The following EBF4 variants were observed in gnomAD, a reference collection of about 807,000 sequenced individuals.
The protein encoded by EBF4 is transcription factor COE4.
In EBF4, 34 loss-of-function variants were observed where a neutral mutation model predicts 67.1. The observed-to-expected ratio is 0.51, with a 90% confidence interval of 0.39 to 0.67. EBF4 has a LOEUF of 0.67. EBF4 is among the 30% of genes least tolerant of loss of function. The pLI, the probability that EBF4 is intolerant of heterozygous loss-of-function variation, is 0.00. For synonymous variants in EBF4, 387 were observed against 377.7 expected, an observed-to-expected ratio of 1.02 and a Z score of -0.29; for missense variants, 837 against 873.3, an observed-to-expected ratio of 0.96 and a Z score of 0.52.
chr20:2,737,914 G>A (rs1461114256), intron 6 of EBF4, among the ~76,000 whole-genome samples: 5 of 150,736 alleles, frequency 3.3e-5, no homozygotes, highest in East Asian at 1.9e-4. Context: ...GCAGTGAGCC[G>A]AGATCGCGCC....
chr20:2,728,012 G>T (rs1414291337), intron 6 of EBF4, among the ~76,000 whole-genome samples: 1 of 152,122 alleles, frequency 6.6e-6, no homozygotes, highest in African/African-American at 2.4e-5. Context: ...TCTACAGGTT[G>T]CCTTTTCACC....
intron 1 of EBF4, among the ~76,000 whole-genome samples, chr20:2,697,941 GC>G (rs1412074031): frequency 6.6e-6 from 1 of 152,238 alleles, no homozygotes; most frequent in African/African-American, 2.4e-5. Flanking sequence ...GCCAGCTGGG[GC>G]TGCCTTTCCT....
chr20:2,754,139 G>A (rs1469336867), intron 14 of EBF4, among the ~76,000 whole-genome samples: 1 of 152,194 alleles, frequency 6.6e-6, no homozygotes, highest in Admixed American at 6.5e-5. Flanking sequence ...CACTGGACTT[G>A]AGGGAGGGTT....
At chr20:2,710,188 G>A (rs989296649) in intron 6 of EBF4, among the ~76,000 whole-genome samples, 1 of 151,954 alleles carries the variant, frequency 6.6e-6, no homozygotes, top group South Asian at 2.1e-4. Flanking sequence ...TTGTTTTGTC[G>A]CCCAGGCTAA....
intron 6 of EBF4, among the ~76,000 whole-genome samples, chr20:2,737,250 C>CAAAAAAAA (rs777580766): frequency 1.7e-5 from 2 of 114,884 alleles, no homozygotes; most frequent in Non-Finnish European, 1.9e-5. Context: ...AACTCCGTCT[C>CAAAAAAAA]AAAAAAAAAA....
intron 1 of EBF4, among the ~76,000 whole-genome samples, chr20:2,698,509 C>T (rs1315228178): frequency 2.6e-5 from 4 of 152,088 alleles, no homozygotes; most frequent in East Asian, 1.9e-4. Context: ...TCAGCAGTCC[C>T]GGGGTCCAGA....
Position 2,758,242 on chromosome 20 carries a change from C to T in EBF4, c.1739-667C>T, listed in dbSNP as rs553219259. 2.6e-5 allele frequency among the ~76,000 whole-genome samples: 4 copies of T among 152,348 alleles called. No homozygotes were observed. The South Asian group carries it at 8.3e-4, about 32-fold the overall frequency. On this transcript the variant is annotated intron_variant, in intron 15 of 16. Coordinates refer to ENST00000609451, the Ensembl canonical transcript of EBF4. The stretch of plus-strand genomic sequence containing the variant: ...TCCATCCAACCGAGCAAAGCCTGGG[C>T]CCTAGCCAGTAGCGTGAAGTCAAAA...
At chr20:2,733,406 C>G (rs991691526) in intron 6 of EBF4, among the ~76,000 whole-genome samples, 2 of 152,068 alleles carry the variant, frequency 1.3e-5, no homozygotes, top group Admixed American at 1.3e-4. Context: ...TGTGTTCATA[C>G]TACTTGGAGT....
At chr20:2,733,829 A>G (rs976748785) in intron 6 of EBF4, among the ~76,000 whole-genome samples, 4 of 151,958 alleles carry the variant, frequency 2.6e-5, no homozygotes, top group African/African-American at 9.7e-5. Flanking sequence ...AAAAAAAAAA[A>G]AGCAAAAACA....
intron 1 of EBF4, among the ~76,000 whole-genome samples, chr20:2,699,456 G>A (rs544818750): frequency 2.6e-5 from 4 of 152,226 alleles, no homozygotes; most frequent in African/African-American, 9.6e-5. Flanking sequence ...AGATGGAAAG[G>A]AGGTGAGTGG....
At chr20:2,741,328 C>G (rs935875423) in intron 6 of EBF4, among the ~76,000 whole-genome samples, 3 of 151,960 alleles carry the variant, frequency 2.0e-5, no homozygotes, top group African/African-American at 7.2e-5. Context: ...AAAAGCAGCT[C>G]CATCCCACTC....
rs1264349236 is a variant in EBF4, at chr20:2,755,727, C to T, written c.1641C>T (p.Ile547=). 1.9e-6 allele frequency: 3 copies of T among 1,550,862 alleles called. No individual in the cohort carries two copies. The highest frequency in any genetic ancestry group is 2.6e-6 in the Non-Finnish European group (3 of 1,146,802). Reference sequence around the variant, plus strand: ...TCTCCTTCTCGCCTGTCAACATGATCTCCGCCGTCAAACAGAGGAGCGCCT... The same window carrying T: ...TCTCCTTCTCGCCTGTCAACATGATTTCCGCCGTCAAACAGAGGAGCGCCT... The change falls in exon 15 of 17, where the codon ATC becomes ATT. Residue 547 remains isoleucine (I), a synonymous_variant. Transcript: ENST00000609451. This position sits in a 1 kb window ranked among gnomAD's most constrained non-coding sequence, Gnocchi z 4.7.
At chr20:2,705,173 A>G (rs929139723) in intron 1 of EBF4, among the ~76,000 whole-genome samples, 8 of 152,214 alleles carry the variant, frequency 5.3e-5, no homozygotes, top group African/African-American at 1.7e-4. Context: ...TATTTGTTCT[A>G]GGGCCCCCGG....
At chr20:2,701,116 C>A (rs1450489769) in intron 1 of EBF4, among the ~76,000 whole-genome samples, 2 of 152,218 alleles carry the variant, frequency 1.3e-5, no homozygotes, top group African/African-American at 4.8e-5. Flanking sequence ...TGGCACGGAT[C>A]TTGTCCTGCA....
At chr20:2,754,180 G>A (rs953610349) in intron 14 of EBF4, among the ~76,000 whole-genome samples, 2 of 152,122 alleles carry the variant, frequency 1.3e-5, no homozygotes, top group African/African-American at 4.8e-5. Flanking sequence ...TCTTGACCGA[G>A]GCTTACCCAG....
Position 2,705,517 on chromosome 20 carries a change from G to A in EBF4, c.138-60G>A, listed in dbSNP as rs549295636. On this transcript the variant is annotated intron_variant, in intron 1 of 16. Transcript: ENST00000609451. ...CTAGCATGCCTGCCTGGCCCGAGGC[G>A]CTGGAGTCTTTCTCACTGGGGGGCC... The A allele has an allele frequency of 2.3e-4, 350 of 1,550,120 alleles. 1 individual carries two copies. In the South Asian group the frequency reaches 3.9e-3, roughly 17 times the overall value.
At chr20:2,731,588 A>C (rs1365025844) in intron 6 of EBF4, among the ~76,000 whole-genome samples, 2 of 152,204 alleles carry the variant, frequency 1.3e-5, no homozygotes, top group African/African-American at 4.8e-5. Flanking sequence ...AGAGGGTTCT[A>C]TCATGAAAAG....
intron 14 of EBF4, among the ~76,000 whole-genome samples, chr20:2,754,445 A>G (rs545445024): frequency 6.6e-6 from 1 of 152,300 alleles, no homozygotes; most frequent in Non-Finnish European, 1.5e-5. Context: ...GAGCTATAGT[A>G]CATTTTCTGG....
intron 15 of EBF4, among the ~76,000 whole-genome samples, chr20:2,757,089 T>C (rs1459507029): frequency 6.6e-6 from 1 of 151,948 alleles, no homozygotes; most frequent in African/African-American, 2.4e-5. Context: ...CAGAACCATC[T>C]CCAAATCCAA....
Sources: allele counts gnomAD v4.1 joint callset (sites outside exome capture counted in the v4.1 genomes callset), GRCh38; gene constraint gnomAD v4.1.1; non-coding constraint Gnocchi (gnomAD v3.1); transcripts MANE v1.5; gene names NCBI Gene and HGNC (gene_info 2026-07-23, HGNC 2026-07-21).